The following AMPH variants were observed in gnomAD, a reference collection of about 807,000 sequenced individuals.
The protein encoded by AMPH is amphiphysin.
In AMPH, 49 loss-of-function variants were observed where a neutral mutation model predicts 99.1. The ratio of observed to expected loss-of-function variants is 0.49; its 90% CI spans 0.39 to 0.63. The LOEUF is 0.63. AMPH is among the 20% of genes least tolerant of loss of function. The pLI is 0.00. For missense variants in AMPH, 759 were observed against 863.4 expected (o/e 0.88, Z 1.52); for synonymous variants, 314 against 317.3 (o/e 0.99, Z 0.11).
chr7:38,386,555 A>G (rs73348814), intron 20 of AMPH, among the ~76,000 whole-genome samples: 3,214 of 152,346 alleles, frequency 0.021, 97 homozygotes, highest in African/African-American at 0.072. Flanking sequence ...AATATGTGGT[A>G]GAAAAAGATT....
intron 1 of AMPH, among the ~76,000 whole-genome samples, chr7:38,538,387 T>C (rs1790689810): frequency 6.6e-6 from 1 of 152,214 alleles, no homozygotes. Flanking sequence ...GGCTGCATTC[T>C]AGGGACTGTG....
At chr7:38,441,752 T>TGACAGAC (rs1786519096) in intron 11 of AMPH, among the ~76,000 whole-genome samples, 4 of 89,194 alleles carry the variant, frequency 4.5e-5, no homozygotes, top group Non-Finnish European at 9.1e-5. Flanking sequence ...AGATATATCA[T>TGACAGAC]ATATATATCA....
chr7:38,429,887 T>C, intron 13 of AMPH, 22 bp from the exon 14 acceptor site: 1 of 1,600,416 alleles, frequency 6.2e-7, no homozygotes, highest in Non-Finnish European at 8.5e-7. Context: ...AAGAAAATAG[T>C]AACAATAAGG....
intron 1 of AMPH, among the ~76,000 whole-genome samples, chr7:38,606,259 T>A (rs1793430463): frequency 6.6e-6 from 1 of 152,194 alleles, no homozygotes; most frequent in Non-Finnish European, 1.5e-5. Context: ...CCTTTTTAAA[T>A]GTGTAACTCA....
At chr7:38,456,245 C>A (rs1787227272) in intron 11 of AMPH, among the ~76,000 whole-genome samples, 1 of 152,188 alleles carries the variant, frequency 6.6e-6, no homozygotes, top group Non-Finnish European at 1.5e-5. Context: ...ACGTGTCCCA[C>A]AGCTACCTCC....
chr7:38,515,397 A>G (rs1789699293), intron 2 of AMPH, among the ~76,000 whole-genome samples: 1 of 152,158 alleles, frequency 6.6e-6, no homozygotes, highest in Non-Finnish European at 1.5e-5. Context: ...ATTGTTTAAA[A>G]GTGTGTAGCA....
At chr7:38,403,472 T>C (rs1784898744) in intron 17 of AMPH, among the ~76,000 whole-genome samples, 1 of 152,212 alleles carries the variant, frequency 6.6e-6, no homozygotes, top group Non-Finnish European at 1.5e-5. Context: ...TGCACTGAAA[T>C]GGCAGGTGCC....
At chr7:38,403,659 C>A (rs75841568) in intron 17 of AMPH, among the ~76,000 whole-genome samples, 1 of 152,152 alleles carries the variant, frequency 6.6e-6, no homozygotes, top group Non-Finnish European at 1.5e-5. Flanking sequence ...TGGCAGAGGC[C>A]GCCCCGAGGG....
chr7:38,560,635 G>A (rs1791521437), intron 1 of AMPH, among the ~76,000 whole-genome samples: 1 of 152,192 alleles, frequency 6.6e-6, no homozygotes, highest in South Asian at 2.1e-4. Context: ...GTCTGTTCAA[G>A]AAGAGAACTT....
intron 1 of AMPH, among the ~76,000 whole-genome samples, chr7:38,584,085 TA>T (rs1157828332): frequency 6.6e-6 from 1 of 152,204 alleles, no homozygotes; most frequent in Non-Finnish European, 1.5e-5. Context: ...TTTAAAAAAA[TA>T]AGGTCATTAA....
At chr7:38,545,580 T>C (rs1790965324) in intron 1 of AMPH, among the ~76,000 whole-genome samples, 2 of 152,194 alleles carry the variant, frequency 1.3e-5, no homozygotes, top group Non-Finnish European at 2.9e-5. Flanking sequence ...CTTCCTGTTT[T>C]TATTAAATGA....
intron 2 of AMPH, among the ~76,000 whole-genome samples, chr7:38,517,755 T>C (rs1172052262): frequency 6.6e-6 from 1 of 152,150 alleles, no homozygotes; most frequent in African/African-American, 2.4e-5. Flanking sequence ...CAAAAAGATT[T>C]GAAAATTCAC....
intron 17 of AMPH, among the ~76,000 whole-genome samples, chr7:38,406,717 T>TCCTC (rs1282400138): frequency 7.6e-5 from 9 of 118,838 alleles, no homozygotes; most frequent in African/African-American, 2.3e-4. Context: ...TCCTCTCCTC[T>TCCTC]CTCTCTCCCT....
intron 2 of AMPH, among the ~76,000 whole-genome samples, chr7:38,518,622 G>T (rs1470148611): frequency 6.6e-6 from 1 of 152,140 alleles, no homozygotes; most frequent in Non-Finnish European, 1.5e-5. Context: ...TCTGTCCTAC[G>T]CCTGTCCCAC....
rs532652512 is a variant in AMPH at position 38,535,642 on chromosome 7, C to T, written c.70-631G>A. Reference sequence around the variant, plus strand: ...CCATAATGTAGAATCAGTGGGAACCCTGAGCTTGTTTTCTTGCAACTAAAT... The same window carrying T: ...CCATAATGTAGAATCAGTGGGAACCTTGAGCTTGTTTTCTTGCAACTAAAT... On this transcript the variant is annotated intron_variant, in intron 1 of 20. Transcript: ENST00000356264. Among the ~76,000 whole-genome samples the T allele has an allele frequency of 3.7e-4, 56 of 152,214 alleles. 1 individual carries two copies. In the South Asian group the frequency reaches 6.8e-3, roughly 19 times the overall value.
At chr7:38,565,738 C>G (rs78806140) in intron 1 of AMPH, among the ~76,000 whole-genome samples, 3,627 of 151,964 alleles carry the variant, frequency 0.024, 150 homozygotes, top group African/African-American at 0.083. Flanking sequence ...ATTCCCACGT[C>G]AGTGGGAGAT....
At chr7:38,542,998 G>A (rs1410465527) in intron 1 of AMPH, among the ~76,000 whole-genome samples, 1 of 152,018 alleles carries the variant, frequency 6.6e-6, no homozygotes, top group East Asian at 1.9e-4. Context: ...GGAGGCTGAG[G>A]CAGAAGAATC....
Position 38,394,047 on chromosome 7 carries a change from ACT to A in AMPH, c.1564_1565del (p.Ser522CysfsTer4). On this transcript the variant is annotated frameshift_variant, in exon 18 of 21. Coordinates refer to ENST00000356264, the MANE Select transcript of AMPH (RefSeq NM_001635.4). LOFTEE classifies it high-confidence loss of function. ...IGTETTEGAESAQPEAEELEA... is the reference protein window; with the variant it reads ...IGTETTEGAEXAQPEAEELEA... ...CGAGCTCCTCTGCTTCAGGTTGGGC[ACT>A]CTCTGCACCCTCAGTGGTTTCAGTT... 4 of 1,613,996 alleles carry A rather than the reference ACT, an allele frequency of 2.5e-6. No individual in the cohort carries two copies. Among genetic ancestry groups the A allele is most frequent in the Non-Finnish European group, 3.4e-6 (4 of 1,179,988 alleles).
At chr7:38,516,988 C>G (rs1789771725) in intron 2 of AMPH, among the ~76,000 whole-genome samples, 1 of 152,162 alleles carries the variant, frequency 6.6e-6, no homozygotes. Flanking sequence ...ATATATTTAC[C>G]CAATGCCTGT....
Sources: allele counts gnomAD v4.1 joint callset (sites outside exome capture counted in the v4.1 genomes callset), GRCh38; gene constraint gnomAD v4.1.1; transcripts MANE v1.5; gene names NCBI Gene and HGNC (gene_info 2026-07-23, HGNC 2026-07-21).